NKTR: variants seen among roughly 807,000 people sequenced by gnomAD.
The protein encoded by NKTR is NK-tumor recognition protein.
A neutral mutation model predicts 156.3 loss-of-function variants in NKTR; 67 were observed. That is an observed-to-expected ratio of 0.43 (90% CI 0.35 to 0.53). The LOEUF is 0.53. Ranked by LOEUF, NKTR falls within the 20% of genes least tolerant of loss-of-function variation. NKTR has a pLI of 0.01. For missense variants in NKTR, 1,604 were observed against 1,730.9 expected, an observed-to-expected ratio of 0.93 and a Z score of 1.30; for synonymous variants, 640 against 596.6, an observed-to-expected ratio of 1.07 and a Z score of -1.06.
chr3:42,629,857 G>T lies in NKTR; in HGVS notation c.375-689G>T, dbSNP rs1708733806. 4.1e-6 allele frequency: 4 copies of T among 985,352 alleles called. No homozygotes were observed. The South Asian group carries it at 1.9e-4, about 46-fold the overall frequency. The allele number at this position is 985,352 out of a possible 1,614,324, so 61.0% of individuals were successfully genotyped here. A position where few individuals can be genotyped will look rare whatever the true frequency, so the allele number is the denominator to read the frequency against. ...GGTGACTGTAGAAGAAGCTGGTTGG[G>T]TGTTTTCTGGGCCAAGGAAATTTAA... On this transcript the variant is annotated intron_variant, in intron 6 of 16. Transcript: ENST00000232978.
intron 16 of NKTR, 51 bp downstream of exon 16, chr3:42,644,054 C>A: frequency 8.3e-7 from 1 of 1,208,818 alleles, no homozygotes; most frequent in Non-Finnish European, 1.2e-6. Flanking sequence ...CCACGGTGGG[C>A]ACTTGATGTG....
At chr3:42,611,297 ATAAT>A (rs1289635596) in intron 2 of NKTR, 2 of 152,212 alleles carry the variant, frequency 1.3e-5, no homozygotes, top group Non-Finnish European at 2.9e-5. Context: ...ATGTGGCTAA[ATAAT>A]TAAGTTGTTT....
intron 9 of NKTR, 172 bp downstream of exon 9, chr3:42,632,995 A>C: frequency 7.8e-7 from 1 of 1,289,572 alleles, no homozygotes; most frequent in Non-Finnish European, 9.8e-7. Context: ...TAGGCATTTC[A>C]TTTCAAAGAT....
chr3:42,632,617 G>A lies in NKTR; in HGVS notation c.567G>A (p.Arg189=). The change falls in exon 9 of 17, where the codon AGG becomes AGA. Residue 189 remains arginine (R), a synonymous_variant. Transcript: ENST00000232978. ...KSIKDVFEKK[R]KKPTHSEGSD... ...TCTTAAAAGTTTTTGAGAAAAAAAG[G>A]AAGAAACCAACTCATTCAGAAGGCT... 6.2e-7 allele frequency: 1 copy of A among 1,602,910 alleles called. No homozygotes were observed. The highest frequency in any genetic ancestry group is 8.5e-7 in the Non-Finnish European group (1 of 1,176,672).
At chr3:42,605,089 T>C (rs1646487267) in intron 2 of NKTR, among the ~76,000 whole-genome samples, 1 of 152,230 alleles carries the variant, frequency 6.6e-6, no homozygotes, top group African/African-American at 2.4e-5. Context: ...TAGTGAACTC[T>C]TTTATTATTA....
At chr3:42,639,796 A>T (rs1709723759) in intron 13 of NKTR, 46 bp downstream of exon 13, 1 of 1,295,238 alleles carries the variant, frequency 7.7e-7, no homozygotes, top group Non-Finnish European at 1.1e-6. Flanking sequence ...AGAGTCTGTT[A>T]TTGTTTAGCT....
intron 6 of NKTR, chr3:42,628,411 T>C: frequency 1.0e-6 from 1 of 985,238 alleles, no homozygotes; most frequent in Non-Finnish European, 1.2e-6. Flanking sequence ...GAGTCTCAAG[T>C]AGTATGTTGC....
intron 2 of NKTR, 32 bp downstream of exon 2, chr3:42,601,096 C>T: frequency 6.6e-7 from 1 of 1,526,604 alleles, no homozygotes; most frequent in Non-Finnish European, 8.8e-7. Context: ...GCTGCTGGGG[C>T]CGAGGCCTGC....
intron 2 of NKTR, among the ~76,000 whole-genome samples, chr3:42,608,289 T>C (rs916496606): frequency 2.0e-5 from 3 of 152,102 alleles, no homozygotes; most frequent in Admixed American, 6.6e-5. Flanking sequence ...CTCTTACTTC[T>C]GACCAACCAG....
At chr3:42,629,765 G>A in intron 6 of NKTR, 1 of 985,332 alleles carries the variant, frequency 1.0e-6, no homozygotes, top group Non-Finnish European at 1.2e-6. Context: ...GGGAAAACTA[G>A]CTTGGGTTCA....
chr3:42,643,695 G>T, intron 15 of NKTR: 1 of 683,846 alleles, frequency 1.5e-6, no homozygotes, highest in Non-Finnish European at 2.7e-6. Flanking sequence ...ATGCAGAAAA[G>T]AAATTAACAT....
At chr3:42,622,599 G>A (rs1225123669) in intron 6 of NKTR, among the ~76,000 whole-genome samples, 1 of 151,946 alleles carries the variant, frequency 6.6e-6, no homozygotes, top group African/African-American at 2.4e-5. Context: ...TCCTAAAAAT[G>A]GAAAGCTGAT....
intron 7 of NKTR, 186 bp from the exon 8 acceptor site, chr3:42,630,985 T>A (rs1470369371): frequency 1.4e-6 from 2 of 1,415,358 alleles, no homozygotes; most frequent in Non-Finnish European, 1.8e-6. Context: ...AGGCCCAGTT[T>A]GCATAATCGT....
rs1169694624 is a variant in NKTR, at chr3:42,643,408, A to G, written c.4199+13A>G. 14 of 1,610,180 alleles carry G rather than the reference A, an allele frequency of 8.7e-6. No homozygotes were observed. The highest frequency in any genetic ancestry group is 1.2e-5 in the Non-Finnish European group (14 of 1,176,802). ...ACAGTCGATCCAGGTATGAACAGGG[A>G]TTGGGAAACCACCAGTGGGGCAGAA... On this transcript the variant is annotated intron_variant, in intron 15 of 16. Coordinates refer to ENST00000232978, the MANE Select transcript of NKTR (RefSeq NM_005385.4).
intron 6 of NKTR, among the ~76,000 whole-genome samples, chr3:42,626,405 T>A (rs1456356593): frequency 2.6e-5 from 4 of 152,074 alleles, no homozygotes; most frequent in Non-Finnish European, 5.9e-5. Context: ...TCAGTGTGTG[T>A]TCTCCAAAAA....
chr3:42,619,910 T>C, intron 5 of NKTR: 1 of 1,439,816 alleles, frequency 6.9e-7, no homozygotes, highest in East Asian at 2.6e-5. Context: ...TAATTAAGGC[T>C]AACTTTATGG....
In NKTR at chr3:42,634,647, C is replaced by A; in HGVS notation, c.964C>A (p.Gln322Lys). The change falls in exon 11 of 17, where the codon CAG (glutamine) becomes AAG (lysine). Residue 322 changes from glutamine to lysine, a missense_variant. By Grantham distance (53) the Gln-to-Lys change is moderately conservative (BLOSUM62 1). Coordinates refer to ENST00000232978, the MANE Select transcript of NKTR (RefSeq NM_005385.4). ...TGATGTTGCACCCATTGTAAGTGAT[C>A]AGAAACCATCTGTATCAAAGTCTGG... ...IPDVAPIVSDQKPSVSKSGRK... is the reference protein window; with the variant it reads ...IPDVAPIVSDKKPSVSKSGRK... The A allele has an allele frequency of 1.2e-6, 2 of 1,602,648 alleles. No homozygotes were observed. Among genetic ancestry groups the A allele is most frequent in the Non-Finnish European group, 1.7e-6 (2 of 1,173,242 alleles).
intron 11 of NKTR, 24 bp downstream of exon 11, chr3:42,634,724 G>T: frequency 7.5e-7 from 1 of 1,328,722 alleles, no homozygotes; most frequent in Non-Finnish European, 1.1e-6. Context: ...GACTTTTTTT[G>T]ATATTATGTA....
chr3:42,618,724 G>A (rs1431355335), intron 3 of NKTR, among the ~76,000 whole-genome samples: 3 of 152,168 alleles, frequency 2.0e-5, no homozygotes, highest in Non-Finnish European at 4.4e-5. Context: ...GATTACAGGC[G>A]TGTGCCATTG....
Sources: gnomAD v4.1 joint callset for allele counts (sites outside exome capture counted in the v4.1 genomes callset) on GRCh38, gnomAD v4.1.1 for gene constraint, MANE v1.5 for transcripts, NCBI Gene and HGNC (gene_info 2026-07-23, HGNC 2026-07-21) for gene names.